PTMA: variants seen among roughly 807,000 people sequenced by gnomAD.
The protein encoded by PTMA is gene sequence 28.
A neutral mutation model predicts 16.9 loss-of-function variants in PTMA; 4 were observed. That is an observed-to-expected ratio of 0.24 (90% CI 0.12 to 0.54). The LOEUF (loss-of-function observed/expected upper bound fraction) is 0.54, where lower values mean the gene tolerates loss of function less well. Ranked by LOEUF, PTMA falls within the 20% of genes least tolerant of loss-of-function variation. PTMA has a pLI of 0.95. For missense variants in PTMA, 120 were observed against 137.7 expected (o/e 0.87, Z 0.64); for synonymous variants, 58 against 47.9 (o/e 1.21, Z -0.87).
At chr2:231,710,407 G>A in intron 1 of PTMA, 2 of 1,152,618 alleles carry the variant, frequency 1.7e-6, no homozygotes, top group Non-Finnish European at 2.1e-6. Flanking sequence ...CCTGCGCGCC[G>A]CGACCTCCCT....
intron 1 of PTMA, among the ~76,000 whole-genome samples, chr2:231,709,058 G>A (rs1047692748): frequency 6.6e-6 from 1 of 152,172 alleles, no homozygotes; most frequent in Non-Finnish European, 1.5e-5. Context: ...GTGGCGGCGG[G>A]AGGAGAAGAG....
chr2:231,711,302 T>C (rs2106244471), intron 1 of PTMA, 46 bp from the exon 2 acceptor site: 1 of 1,528,750 alleles, frequency 6.5e-7, no homozygotes, highest in Non-Finnish European at 9.1e-7. Flanking sequence ...TACCCTGGGT[T>C]GCTCAGAAGA....
rs2048469068 is a variant in PTMA at position 231,708,547 on chromosome 2, G to A, written c.-160G>A. ...AGTCCCCCACTGGCTGCTCTGAAAA[G>A]CCATCTTTGCATTGTTCCTCATCCG... On this transcript the variant is annotated 5_prime_UTR_variant, in exon 1 of 5. Transcript: ENST00000409115. The A allele has an allele frequency of 2.4e-6, 2 of 818,532 alleles. No individual in the cohort carries two copies. Among genetic ancestry groups the A allele is most frequent in the South Asian group, 2.8e-5 (2 of 70,502 alleles). The allele number at this position is 818,532 out of a possible 1,614,324, so 50.7% of individuals were successfully genotyped here. A position where few individuals can be genotyped will look rare whatever the true frequency, so the allele number is the denominator to read the frequency against.
At chr2:231,712,090 T>TG in intron 3 of PTMA, 107 bp downstream of exon 3, 7 of 1,524,126 alleles carry the variant, frequency 4.6e-6, no homozygotes, top group Non-Finnish European at 8.8e-7. Context: ...CAATGGTACT[T>TG]GGGGCCAGTG....
At chr2:231,711,508 T>G (rs2048518414) in intron 2 of PTMA, 89 bp downstream of exon 2, 1 of 1,218,602 alleles carries the variant, frequency 8.2e-7, no homozygotes, top group African/African-American at 1.5e-5. Flanking sequence ...TATATGTGTG[T>G]GTATGTGTAT....
At position 231,708,565 on chromosome 2, in the gene PTMA, C is replaced by T. The variant is rs905177858; in HGVS notation, c.-142C>T. On this transcript the variant is annotated 5_prime_UTR_variant, in exon 1 of 5. Coordinates refer to ENST00000409115, the MANE Select transcript of PTMA (RefSeq NM_002823.5). ...CTGAAAAGCCATCTTTGCATTGTTC[C>T]TCATCCGCCTCCTTGCTCGCCGCAG... is the stretch of plus-strand genomic sequence containing the variant. 8.4e-6 allele frequency: 8 copies of T among 951,620 alleles called. No individual in the cohort carries two copies. The highest frequency in any genetic ancestry group is 5.0e-5 in the East Asian group (2 of 39,928). 58.9% of individuals were successfully genotyped at this position (951,620 alleles called of 1,614,324 possible).
rs761381452 is a variant in PTMA at position 231,711,343 on chromosome 2, T to C, written c.46-5T>C. 11 of 1,613,540 alleles carry C rather than the reference T, an allele frequency of 6.8e-6. No individual in the cohort carries two copies. The East Asian group carries it at 2.5e-4, about 36-fold the overall frequency. Reference sequence around the variant, plus strand: ...TGGTTACTGGTTCCTTCTTCCCTTTTGAAGGACTTAAAGGAGAAGAAGGAA... The same window carrying C: ...TGGTTACTGGTTCCTTCTTCCCTTTCGAAGGACTTAAAGGAGAAGAAGGAA... On this transcript the variant is annotated splice_polypyrimidine_tract_variant and splice_region_variant and intron_variant, in intron 1 of 4. Transcript: ENST00000409115.
chr2:231,711,662 G>A (rs2048520259), intron 2 of PTMA: 2 of 819,952 alleles, frequency 2.4e-6, no homozygotes, highest in Admixed American at 3.0e-5. Flanking sequence ...GTCTGAGTTT[G>A]GGCTTGGCCC....
chr2:231,712,723 C>T, intron 4 of PTMA, 81 bp from the exon 5 acceptor site: 2 of 1,509,794 alleles, frequency 1.3e-6, no homozygotes, highest in Non-Finnish European at 9.0e-7. Context: ...CTGGTTCTTG[C>T]TCTGCCAGCA....
intron 1 of PTMA, chr2:231,710,122 G>T: frequency 8.0e-7 from 1 of 1,245,486 alleles, no homozygotes; most frequent in South Asian, 3.9e-5. Flanking sequence ...CGACAGTCTC[G>T]GACCTACGCA....
At chr2:231,711,544 A>G (rs757869192) in intron 2 of PTMA, 125 bp downstream of exon 2, 1 of 893,838 alleles carries the variant, frequency 1.1e-6, no homozygotes, top group Non-Finnish European at 1.8e-6. Flanking sequence ...CAGTGGCAGT[A>G]TCGTAGCCAA....
At position 231,708,859 on chromosome 2, in the gene PTMA, G is replaced by T. The variant is rs1208883405; in HGVS notation, c.45+108G>T. On this transcript the variant is annotated intron_variant, in intron 1 of 4. Coordinates refer to ENST00000409115, the MANE Select transcript of PTMA (RefSeq NM_002823.5). ...CAAGCCCGCTGTTGCTCCCTCTCGC[G>T]GGGAAACGGCCCGCCCCCGGCGCGG... 9.7e-6 allele frequency: 13 copies of T among 1,341,104 alleles called. 1 individual carries two copies. The Admixed American group carries it at 2.5e-4, about 26-fold the overall frequency. The allele number at this position is 1,341,104 out of a possible 1,614,324, so 83.1% of individuals were successfully genotyped here. A position where few individuals can be genotyped will look rare whatever the true frequency, so the allele number is the denominator to read the frequency against.
intron 2 of PTMA, 120 bp from the exon 3 acceptor site, chr2:231,711,770 T>G: frequency 1.3e-6 from 2 of 1,524,646 alleles, no homozygotes; most frequent in Non-Finnish European, 1.8e-6. Context: ...GGGGTGGGCT[T>G]GGCTTGGCTG....
At chr2:231,708,893 G>A (rs899208198) in intron 1 of PTMA, 142 bp downstream of exon 1, 14 of 1,041,000 alleles carry the variant, frequency 1.3e-5, no homozygotes, top group Non-Finnish European at 1.9e-5. Context: ...GGTGCCCTCA[G>A]GCAGCCCACT....
At chr2:231,711,085 C>T (rs2048512496) in intron 1 of PTMA, 1 of 352,728 alleles carries the variant, frequency 2.8e-6, no homozygotes, top group Non-Finnish European at 5.3e-6. Flanking sequence ...TGGGAAGCGC[C>T]AGGGGGCAGT....
Position 231,711,422 on chromosome 2 carries a change from G to C in PTMA, c.117+3G>C. 6.2e-7 allele frequency: 1 copy of C among 1,614,052 alleles called. No individual in the cohort carries two copies. Among genetic ancestry groups the C allele is most frequent in the Non-Finnish European group, 8.5e-7 (1 of 1,179,894 alleles). ...ACGCCCCTGCTAACGGGAATGCTGT[G>C]AGTGTCTGCTTTGCTCCTGAGCCCT... On this transcript the variant is annotated splice_donor_region_variant and intron_variant, in intron 2 of 4. Transcript: ENST00000409115.
At chr2:231,711,825 A>T (rs1302848717) in intron 2 of PTMA, 65 bp from the exon 3 acceptor site, 14 of 1,583,210 alleles carry the variant, frequency 8.8e-6, no homozygotes, top group Non-Finnish European at 1.1e-5. Flanking sequence ...GCCGGGCATC[A>T]GGAGCAACGC....
intron 2 of PTMA, 81 bp from the exon 3 acceptor site, chr2:231,711,809 T>TGG (rs2048521849): frequency 1.3e-6 from 2 of 1,571,694 alleles, no homozygotes; most frequent in East Asian, 4.5e-5. Flanking sequence ...CAGCCTCTGG[T>TGG]GGGAGGCCGG....
intron 1 of PTMA, among the ~76,000 whole-genome samples, chr2:231,709,309 C>T (rs900724476): frequency 1.3e-5 from 2 of 152,016 alleles, no homozygotes; most frequent in Non-Finnish European, 2.9e-5. Flanking sequence ...GGGCGACGGG[C>T]TGGCTGGCCG....
Sources: allele counts gnomAD v4.1 joint callset (sites outside exome capture counted in the v4.1 genomes callset), GRCh38; gene constraint gnomAD v4.1.1; transcripts MANE v1.5; gene names NCBI Gene and HGNC (gene_info 2026-07-23, HGNC 2026-07-21).